Variants in CFDP1 observed in about 807,000 individuals in gnomAD.
The protein encoded by CFDP1 is heterochromatin-stabilizing protein CFDP1.
Under a neutral mutation model 40.1 loss-of-function variants are expected in CFDP1, and 31 were observed. The ratio of observed to expected loss-of-function variants is 0.77; its 90% CI spans 0.58 to 1.04. The LOEUF is 1.04. Ranked by LOEUF, CFDP1 falls within the 50% of genes least tolerant of loss-of-function variation. The pLI is 0.00. For missense variants in CFDP1, 423 were observed against 343.4 expected (o/e 1.23, Z -1.83); for synonymous variants, 167 against 120.0 (o/e 1.39, Z -2.56).
At chr16:75,353,330 G>C (rs2078625347) in intron 5 of CFDP1, among the ~76,000 whole-genome samples, 1 of 152,104 alleles carries the variant, frequency 6.6e-6, no homozygotes, top group Non-Finnish European at 1.5e-5. Context: ...TTAAAAAGAA[G>C]AGATACATAC....
intron 1 of CFDP1, among the ~76,000 whole-genome samples, chr16:75,416,898 T>C (rs1157100278): frequency 6.6e-6 from 1 of 152,150 alleles, no homozygotes; most frequent in Non-Finnish European, 1.5e-5. Context: ...CACCAAGGGC[T>C]AAGTGACAGT....
At chr16:75,381,503 C>G (rs757009940) in intron 5 of CFDP1, among the ~76,000 whole-genome samples, 1 of 152,042 alleles carries the variant, frequency 6.6e-6, no homozygotes. Flanking sequence ...AAAGGTGACA[C>G]TGAGGTTGGG....
chr16:75,369,486 T>C (rs892815093), intron 5 of CFDP1, among the ~76,000 whole-genome samples: 2 of 152,192 alleles, frequency 1.3e-5, no homozygotes, highest in Non-Finnish European at 2.9e-5. Context: ...CTTTAACTAT[T>C]ATATACATTT....
chr16:75,409,165 T>C (rs1489124372), intron 4 of CFDP1, among the ~76,000 whole-genome samples: 2 of 152,198 alleles, frequency 1.3e-5, no homozygotes, highest in Non-Finnish European at 2.9e-5. Context: ...GGCCAGTTTT[T>C]TGTTTTAATA....
intron 1 of CFDP1, 121 bp downstream of exon 1, chr16:75,433,168 G>A (rs975603209): frequency 2.3e-6 from 2 of 882,828 alleles, no homozygotes; most frequent in Non-Finnish European, 3.4e-6. Context: ...GCGGACGCTC[G>A]AGAACAGGAG....
chr16:75,373,682 G>C (rs1003769720), intron 5 of CFDP1, among the ~76,000 whole-genome samples: 2 of 151,976 alleles, frequency 1.3e-5, no homozygotes. Flanking sequence ...TGGTATGAAC[G>C]GGGTCTCCCT....
At chr16:75,360,921 G>A (rs1180746945) in intron 5 of CFDP1, among the ~76,000 whole-genome samples, 1 of 152,158 alleles carries the variant, frequency 6.6e-6, no homozygotes, top group Non-Finnish European at 1.5e-5. Flanking sequence ...AGAAACAGCA[G>A]TTGATCTTCC....
At chr16:75,420,293 T>G (rs866354457) in intron 1 of CFDP1, among the ~76,000 whole-genome samples, 1 of 152,202 alleles carries the variant, frequency 6.6e-6, no homozygotes, top group Non-Finnish European at 1.5e-5. Context: ...CAACCAGATA[T>G]TGTGTCTTCT....
chr16:75,351,869 G>C (rs767203233), intron 5 of CFDP1, among the ~76,000 whole-genome samples: 56 of 151,130 alleles, frequency 3.7e-4, no homozygotes, highest in Non-Finnish European at 5.8e-4. Context: ...TTAGCCAGGT[G>C]TGGTGGCACA....
chr16:75,331,410 C>T (rs77897609), intron 5 of CFDP1, among the ~76,000 whole-genome samples: 3,397 of 152,208 alleles, frequency 0.022, 72 homozygotes, highest in African/African-American at 0.054. Flanking sequence ...AACCACTATG[C>T]CCAGCCTGAA....
intron 6 of CFDP1, among the ~76,000 whole-genome samples, chr16:75,304,490 A>T (rs1274471388): frequency 1.3e-5 from 2 of 152,226 alleles, no homozygotes; most frequent in African/African-American, 2.4e-5. Flanking sequence ...GCGAAGAGAA[A>T]GAGGTGCAAG....
intron 5 of CFDP1, among the ~76,000 whole-genome samples, chr16:75,312,013 A>G (rs1161097967): frequency 6.6e-6 from 1 of 152,186 alleles, no homozygotes; most frequent in Non-Finnish European, 1.5e-5. Context: ...GCTTATGAAG[A>G]TAATTCTTCG....
intron 5 of CFDP1, among the ~76,000 whole-genome samples, chr16:75,378,651 G>C (rs1007060217): frequency 3.9e-5 from 6 of 152,146 alleles, no homozygotes; most frequent in African/African-American, 1.4e-4. Flanking sequence ...CGATGAGGGA[G>C]TATGGGATAG....
intron 5 of CFDP1, among the ~76,000 whole-genome samples, chr16:75,373,395 T>C (rs1280079947): frequency 6.6e-6 from 1 of 152,204 alleles, no homozygotes; most frequent in Non-Finnish European, 1.5e-5. Context: ...TTAAAAAGGT[T>C]GTTTTGTACT....
In CFDP1 at chr16:75,315,331, C is replaced by CAAAAAAAA. The variant is rs758174791; in HGVS notation, c.651-10157_651-10150dup. 4.4e-4 allele frequency among the ~76,000 whole-genome samples: 21 copies of CAAAAAAAA among 47,798 alleles called. 1 individual carries two copies. The highest frequency in any genetic ancestry group is 8.2e-4 in the African/African-American group (9 of 11,028). The allele number at this position is 47,798 out of a possible 152,430, so 31.4% of individuals were successfully genotyped here. A position where few individuals can be genotyped will look rare whatever the true frequency, so the allele number is the denominator to read the frequency against. ...TGGGTGACAGAGTGAGACCCTATCT[C>CAAAAAAAA]AAAAAAAAAAAAAAAAAAAAAAAAA... On this transcript the variant is annotated intron_variant, in intron 5 of 6. Coordinates refer to ENST00000283882, the MANE Select transcript of CFDP1 (RefSeq NM_006324.3).
intron 5 of CFDP1, among the ~76,000 whole-genome samples, chr16:75,375,951 G>A (rs780766369): frequency 6.6e-6 from 1 of 152,200 alleles, no homozygotes; most frequent in Non-Finnish European, 1.5e-5. Flanking sequence ...TGTGGCTCAT[G>A]CCTATAATCC....
Position 75,305,160 on chromosome 16 carries a change from T to C in CFDP1, c.673A>G (p.Ser225Gly). 6.2e-7 allele frequency: 1 copy of C among 1,614,158 alleles called. No individual in the cohort carries two copies. Residue 225 changes from serine (S) to glycine (G), a missense_variant, in exon 6 of 7, where the codon AGC (serine) becomes GGC (glycine). Ser to Gly is a moderately conservative substitution (Grantham distance 56). Transcript: ENST00000283882. Reference sequence around the variant, plus strand: ...GCACCAATTTTCCCCAAAAGGCTGCTCATGCCACTTGATCTTTTTAACCTA... The same window carrying C: ...GCACCAATTTTCCCCAAAAGGCTGCCCATGCCACTTGATCTTTTTAACCTA... ...GSGLKRSSGM[S>G]SLLGKIGAKK...
chr16:75,339,183 CCTTT>C (rs2078509862), intron 5 of CFDP1, among the ~76,000 whole-genome samples: 1 of 151,874 alleles, frequency 6.6e-6, no homozygotes, highest in Non-Finnish European at 1.5e-5. Context: ...TTTCTGTCAG[CCTTT>C]CTATCTCTTT....
chr16:75,295,520 G>A (rs1335712981), intron 6 of CFDP1, among the ~76,000 whole-genome samples: 1 of 152,218 alleles, frequency 6.6e-6, no homozygotes, highest in Non-Finnish European at 1.5e-5. Context: ...TGTTATCATG[G>A]TTTTAGGAAG....
Sources: gnomAD v4.1 joint callset for allele counts (sites outside exome capture counted in the v4.1 genomes callset) on GRCh38, gnomAD v4.1.1 for gene constraint, MANE v1.5 for transcripts, NCBI Gene and HGNC (gene_info 2026-07-23, HGNC 2026-07-21) for gene names.